The following TLK1 variants were observed in gnomAD, a reference collection of about 807,000 sequenced individuals.
TLK1 encodes the protein tousled like kinase 1.
TLK1 carries 24 observed loss-of-function variants against 105.3 expected under a neutral mutation model. That is an observed-to-expected ratio of 0.23 (90% CI 0.17 to 0.32). The LOEUF (loss-of-function observed/expected upper bound fraction) is 0.32. TLK1 is among the 10% of genes least tolerant of loss of function. TLK1 has a pLI of 1.00. For missense variants in TLK1, 558 were observed against 910.5 expected (o/e 0.61, Z 4.98); for synonymous variants, 321 against 310.4 (o/e 1.03, Z -0.36).
At chr2:171,108,358 C>G (rs1381714628) in intron 2 of TLK1, among the ~76,000 whole-genome samples, 1 of 152,090 alleles carries the variant, frequency 6.6e-6, no homozygotes, top group East Asian at 1.9e-4. Flanking sequence ...ATACTATACA[C>G]TACACTGAGT....
chr2:171,013,158 G>A (rs886337750), intron 13 of TLK1, among the ~76,000 whole-genome samples: 9 of 151,236 alleles, frequency 6.0e-5, no homozygotes, highest in East Asian at 2.0e-4. Context: ...GATTACAGGC[G>A]CCCACCACAA....
chr2:171,146,422 C>T (rs1301618463), intron 1 of TLK1, among the ~76,000 whole-genome samples: 1 of 151,982 alleles, frequency 6.6e-6, no homozygotes. Context: ...TATGACCCAT[C>T]TGATAAGAAA....
intron 1 of TLK1, among the ~76,000 whole-genome samples, chr2:171,169,601 G>T (rs150552671): frequency 6.6e-6 from 1 of 152,106 alleles, no homozygotes; most frequent in Non-Finnish European, 1.5e-5. Flanking sequence ...ATTAAGAGTG[G>T]TTGTCTTTCT....
intron 3 of TLK1, among the ~76,000 whole-genome samples, chr2:171,072,748 A>C (rs1006769723): frequency 6.6e-6 from 1 of 152,070 alleles, no homozygotes; most frequent in Non-Finnish European, 1.5e-5. Context: ...AGCCTGGGCA[A>C]CAGAACAAAA....
intron 1 of TLK1, among the ~76,000 whole-genome samples, chr2:171,123,057 T>TACAC (rs71008752): frequency 0.078 from 10,997 of 141,204 alleles, 449 homozygotes; most frequent in Non-Finnish European, 0.095. Context: ...AATAAATAAA[T>TACAC]ACACACACAC....
chr2:171,117,723 T>G lies in TLK1; in HGVS notation c.258+16A>C. On this transcript the variant is annotated intron_variant, in intron 2 of 20. Transcript: ENST00000431350. ...AGAAAGAAAGACTGTCAAATAAAGATGAGAATTTTGCTCACTTTAGCTCCA... is the reference window on the plus strand; with the variant it reads ...AGAAAGAAAGACTGTCAAATAAAGAGGAGAATTTTGCTCACTTTAGCTCCA... 9 of 1,582,880 alleles carry G rather than the reference T, an allele frequency of 5.7e-6. No individual in the cohort carries two copies. The highest frequency in any genetic ancestry group is 1.4e-5 in the African/African-American group (1 of 74,050).
chr2:171,071,606 T>C (rs1001597563), intron 3 of TLK1, among the ~76,000 whole-genome samples: 2 of 151,878 alleles, frequency 1.3e-5, no homozygotes, highest in Non-Finnish European at 2.9e-5. Flanking sequence ...CATTTTTACC[T>C]TTGGTTGCCT....
chr2:171,212,660 T>TA (rs59330175), intron 1 of TLK1, among the ~76,000 whole-genome samples: 30,904 of 151,788 alleles, frequency 0.2, 3,226 homozygotes, highest in South Asian at 0.26. Context: ...TTCTTAACTG[T>TA]AAAAAAAATT....
intron 1 of TLK1, among the ~76,000 whole-genome samples, chr2:171,174,526 G>A (rs1558980487): frequency 1.3e-5 from 2 of 151,964 alleles, no homozygotes; most frequent in African/African-American, 2.4e-5. Context: ...GCAATATTAA[G>A]CTCTCTATCT....
chr2:171,005,527 C>G (rs576426449), intron 18 of TLK1, among the ~76,000 whole-genome samples: 2 of 152,232 alleles, frequency 1.3e-5, no homozygotes, highest in African/African-American at 4.8e-5. Context: ...CACTTGATAC[C>G]AGGAGTTCAA....
chr2:171,031,017 A>AT lies in TLK1; in HGVS notation c.1170-2613dup, dbSNP rs914395948. Among the ~76,000 whole-genome samples, 73 of 25,516 alleles carry AT rather than the reference A, an allele frequency of 2.9e-3. 2 individuals are homozygous for AT. The highest frequency in any genetic ancestry group is 0.012 in the East Asian group (4 of 334). 16.7% of individuals were successfully genotyped at this position (25,516 alleles called of 152,430 possible). A position where few individuals can be genotyped will look rare whatever the true frequency, so the allele number is the denominator to read the frequency against. On this transcript the variant is annotated intron_variant, in intron 11 of 20. Transcript: ENST00000431350. ...CAGTGATTCTTACCATTTTACAATC[A>AT]TAAAAAAAAAAAAAATCTGAAGGAA...
intron 14 of TLK1, among the ~76,000 whole-genome samples, chr2:171,008,436 A>G (rs2105364953): frequency 6.6e-6 from 1 of 152,330 alleles, no homozygotes. Flanking sequence ...ACAAATCTAT[A>G]AAGAATTCAA....
At chr2:171,043,850 G>C (rs188637725) in intron 11 of TLK1, among the ~76,000 whole-genome samples, 1 of 152,016 alleles carries the variant, frequency 6.6e-6, no homozygotes, top group Non-Finnish European at 1.5e-5. Context: ...AAAGCACTGG[G>C]ATTATAGTGT....
chr2:171,217,112 G>T (rs899230918), intron 1 of TLK1, among the ~76,000 whole-genome samples: 1 of 152,142 alleles, frequency 6.6e-6, no homozygotes, highest in Non-Finnish European at 1.5e-5. Flanking sequence ...CACAGAACAG[G>T]AGTCCCACTT....
chr2:171,118,764 T>C (rs956724099), intron 1 of TLK1, among the ~76,000 whole-genome samples: 3 of 152,194 alleles, frequency 2.0e-5, no homozygotes, highest in South Asian at 2.1e-4. Flanking sequence ...CCAGAATGAC[T>C]TGGGGAACAT....
intron 2 of TLK1, among the ~76,000 whole-genome samples, chr2:171,090,410 A>T (rs1689177281): frequency 6.6e-6 from 1 of 151,944 alleles, no homozygotes; most frequent in South Asian, 2.1e-4. Flanking sequence ...GATCATAATC[A>T]TGTTATGGGG....
At chr2:171,151,033 T>C (rs1306259762) in intron 1 of TLK1, among the ~76,000 whole-genome samples, 2 of 152,142 alleles carry the variant, frequency 1.3e-5, no homozygotes, top group Non-Finnish European at 2.9e-5. Flanking sequence ...CATTCCTTTT[T>C]TTTTTTTAGA....
chr2:171,118,905 T>C (rs1453256251), intron 1 of TLK1, among the ~76,000 whole-genome samples: 1 of 152,176 alleles, frequency 6.6e-6, no homozygotes, highest in Non-Finnish European at 1.5e-5. Flanking sequence ...GAGGACTAGA[T>C]GGATGGTGGC....
chr2:171,034,302 T>C (rs1686209434), intron 11 of TLK1, among the ~76,000 whole-genome samples: 1 of 152,190 alleles, frequency 6.6e-6, no homozygotes, highest in Admixed American at 6.5e-5. Context: ...CAGGTGTTTA[T>C]AGCAGAACTA....
Sources: allele counts gnomAD v4.1 joint callset (sites outside exome capture counted in the v4.1 genomes callset), GRCh38; gene constraint gnomAD v4.1.1; transcripts MANE v1.5; gene names NCBI Gene and HGNC (gene_info 2026-07-23, HGNC 2026-07-21).